ZRANB1: variants seen among roughly 807,000 people sequenced by gnomAD.
ZRANB1 encodes the protein zinc finger RANBP2-type containing 1.
Under a neutral mutation model 80.5 loss-of-function variants are expected in ZRANB1, and 16 were observed. The ratio of observed to expected loss-of-function variants is 0.20; its 90% confidence interval spans 0.13 to 0.30. The LOEUF (loss-of-function observed/expected upper bound fraction) is 0.30. ZRANB1 is among the 10% of genes least tolerant of loss of function. ZRANB1 has a pLI of 1.00. For missense variants in ZRANB1, 576 were observed against 862.6 expected (o/e 0.67, Z 4.16); for synonymous variants, 291 against 293.1 (o/e 0.99, Z 0.07).
Position 124,974,498 on chromosome 10 carries a change from GA to G in ZRANB1, c.1427+103del, listed in dbSNP as rs533601341. 6.6e-5 allele frequency: 79 copies of G among 1,200,912 alleles called. No individual in the cohort carries two copies. In the East Asian group the frequency reaches 1.8e-3, roughly 27 times the overall value. The allele number at this position is 1,200,912 out of a possible 1,614,324, so 74.4% of individuals were successfully genotyped here. On this transcript the variant is annotated intron_variant, in intron 5 of 8. Coordinates refer to ENST00000359653, the MANE Select transcript of ZRANB1 (RefSeq NM_017580.3). ...TTTTATGTCAGTTATATTTTCTATG[GA>G]AACTGGAGGAAAAACAGTTCATTTT...
chr10:124,951,986 A>G (rs1314168187), intron 1 of ZRANB1, among the ~76,000 whole-genome samples: 2 of 152,182 alleles, frequency 1.3e-5, no homozygotes, highest in Admixed American at 6.5e-5. Context: ...AAACAAAAAA[A>G]TAAAAACAGT....
At chr10:124,948,334 G>A (rs1244330833) in intron 1 of ZRANB1, among the ~76,000 whole-genome samples, 1 of 152,058 alleles carries the variant, frequency 6.6e-6, no homozygotes. Context: ...CTATTAGTAA[G>A]GCTTCCGGTC....
chr10:124,922,687 G>C, the ZRANB1 span, among the ~76,000 whole-genome samples: 1 of 151,070 alleles, frequency 6.6e-6, no homozygotes, highest in African/African-American at 2.4e-5. Flanking sequence ...GTAGAGATGG[G>C]GTGTCACCGT....
the ZRANB1 span, among the ~76,000 whole-genome samples, chr10:124,924,196 C>T: frequency 5.3e-5 from 8 of 151,320 alleles, no homozygotes; most frequent in East Asian, 3.9e-4. Flanking sequence ...GATGAGCCTC[C>T]GCACCTGGCC....
upstream of ZRANB1, among the ~76,000 whole-genome samples, chr10:124,938,619 CT>C (rs1951508503): frequency 6.6e-6 from 1 of 152,138 alleles, no homozygotes; most frequent in Admixed American, 6.6e-5. Flanking sequence ...CACCTAGCCA[CT>C]CTTCAATGAA....
chr10:124,976,224 G>C (rs750379183), intron 5 of ZRANB1, among the ~76,000 whole-genome samples: 10 of 152,122 alleles, frequency 6.6e-5, no homozygotes, highest in African/African-American at 9.7e-5. Flanking sequence ...TAGGTTCATC[G>C]GGCTGGGTAA....
chr10:124,936,219 A>C, the ZRANB1 span, among the ~76,000 whole-genome samples: 2 of 152,302 alleles, frequency 1.3e-5, no homozygotes, highest in South Asian at 4.1e-4. Context: ...ATACTGTTGC[A>C]GAAGAGCCTC....
chr10:124,940,281 T>C (rs1043516621), upstream of ZRANB1, among the ~76,000 whole-genome samples: 7 of 152,214 alleles, frequency 4.6e-5, no homozygotes, highest in African/African-American at 1.7e-4. Context: ...GTGAGTAGGG[T>C]TAAAATAGAG....
chr10:124,944,840 A>T (rs1171795085), intron 1 of ZRANB1, among the ~76,000 whole-genome samples: 1 of 151,776 alleles, frequency 6.6e-6, no homozygotes, highest in Non-Finnish European at 1.5e-5. Flanking sequence ...AAAAAAGAAT[A>T]TCCCAGCAGA....
the ZRANB1 span, among the ~76,000 whole-genome samples, chr10:124,929,922 G>T: frequency 1.5e-5 from 2 of 137,930 alleles, no homozygotes; most frequent in African/African-American, 2.7e-5. Context: ...TCCAGCCTGG[G>T]CAACAGAGCG....
At chr10:124,981,870 A>ATC (rs769607573) in intron 6 of ZRANB1, 41 bp downstream of exon 6, 1 of 1,610,402 alleles carries the variant, frequency 6.2e-7, no homozygotes, top group Non-Finnish European at 8.5e-7. Flanking sequence ...TGAGAAAAGT[A>ATC]AGCATGTAGT....
the ZRANB1 span, among the ~76,000 whole-genome samples, chr10:124,919,038 T>G: frequency 6.6e-6 from 1 of 152,192 alleles, no homozygotes; most frequent in African/African-American, 2.4e-5. Context: ...AACTCATTCA[T>G]GGTAATATAT....
intron 1 of ZRANB1, among the ~76,000 whole-genome samples, chr10:124,950,775 T>A (rs1462439897): frequency 6.6e-6 from 1 of 152,120 alleles, no homozygotes; most frequent in African/African-American, 2.4e-5. Context: ...AGCCTAGGAC[T>A]CTAAAACCAA....
intron 1 of ZRANB1, among the ~76,000 whole-genome samples, chr10:124,962,178 G>A (rs1271335175): frequency 6.6e-6 from 1 of 152,188 alleles, no homozygotes; most frequent in African/African-American, 2.4e-5. Context: ...ATGAAAACCG[G>A]TTAAATGAGT....
chr10:124,939,405 G>A (rs1482239990), upstream of ZRANB1, among the ~76,000 whole-genome samples: 1 of 152,088 alleles, frequency 6.6e-6, no homozygotes, highest in Non-Finnish European at 1.5e-5. Flanking sequence ...ATTTTCAGAG[G>A]TTGGTGGGCT....
At position 124,974,479 on chromosome 10, in the gene ZRANB1, G is replaced by A. The variant is rs1376726021; in HGVS notation, c.1427+81G>A. On this transcript the variant is annotated intron_variant, in intron 5 of 8. Coordinates refer to ENST00000359653, the MANE Select transcript of ZRANB1 (RefSeq NM_017580.3). ...CTTGTAGTGGTGGGATACTTTTTATGTCAGTTATATTTTCTATGGAAACTG... is the reference window on the plus strand; with the variant it reads ...CTTGTAGTGGTGGGATACTTTTTATATCAGTTATATTTTCTATGGAAACTG... 4.2e-6 allele frequency: 6 copies of A among 1,422,396 alleles called. No homozygotes were observed. In the African/African-American group the frequency reaches 5.6e-5, roughly 13 times the overall value. The allele number at this position is 1,422,396 out of a possible 1,614,324, so 88.1% of individuals were successfully genotyped here.
At chr10:124,976,453 A>ATGTCACTC in intron 5 of ZRANB1, among the ~76,000 whole-genome samples, 1 of 151,964 alleles carries the variant, frequency 6.6e-6, no homozygotes, top group South Asian at 2.1e-4. Flanking sequence ...GTTTTGGTTA[A>ATGTCACTC]TGTCACTCTG....
At chr10:124,937,933 G>A (rs577727619), upstream of ZRANB1, among the ~76,000 whole-genome samples, 4 of 152,210 alleles carry the variant, frequency 2.6e-5, no homozygotes, top group East Asian at 5.8e-4. Flanking sequence ...GTTTTGTCCC[G>A]TTCTCCTTAA....
chr10:124,936,574 C>T, the ZRANB1 span, among the ~76,000 whole-genome samples: 5 of 152,260 alleles, frequency 3.3e-5, no homozygotes, highest in East Asian at 9.7e-4. Context: ...AAGGGTTTTA[C>T]CATATCATCG....
Sources: allele counts gnomAD v4.1 joint callset (sites outside exome capture counted in the v4.1 genomes callset), GRCh38; gene constraint gnomAD v4.1.1; transcripts MANE v1.5; gene names NCBI Gene and HGNC (gene_info 2026-07-23, HGNC 2026-07-21).